PKNOX2: variants seen among roughly 807,000 people sequenced by gnomAD.
PKNOX2 encodes the protein homeobox protein PKNOX2.
PKNOX2 carries 14 observed loss-of-function variants against 53.1 expected under a neutral mutation model. The observed-to-expected ratio is 0.26, with a 90% CI of 0.17 to 0.41. The LOEUF (loss-of-function observed/expected upper bound fraction) is 0.41, where lower values mean the gene tolerates loss of function less well. PKNOX2 is among the 10% of genes least tolerant of loss of function. PKNOX2 has a pLI of 1.00. For missense variants in PKNOX2, 496 were observed against 602.8 expected, an observed-to-expected ratio of 0.82 and a Z score of 1.85; for synonymous variants, 257 against 242.8, an observed-to-expected ratio of 1.06 and a Z score of -0.54.
intron 2 of PKNOX2, among the ~76,000 whole-genome samples, chr11:125,300,364 T>A (rs896180293): frequency 5.9e-5 from 9 of 152,230 alleles, no homozygotes; most frequent in African/African-American, 2.2e-4. Context: ...CATGTATTAC[T>A]CTATTTAATC....
intron 4 of PKNOX2, among the ~76,000 whole-genome samples, chr11:125,359,104 C>T (rs1395933095): frequency 1.4e-5 from 2 of 145,950 alleles, no homozygotes; most frequent in South Asian, 2.1e-4. Context: ...TAGACACCAT[C>T]GGAAAGGCAG....
chr11:125,316,853 A>G (rs565554080), intron 2 of PKNOX2, among the ~76,000 whole-genome samples: 1 of 152,172 alleles, frequency 6.6e-6, no homozygotes, highest in Non-Finnish European at 1.5e-5. Context: ...ACAACAATGA[A>G]GTTTGCTGTA....
chr11:125,365,698 A>AT (rs1952153437), intron 4 of PKNOX2, among the ~76,000 whole-genome samples: 1 of 152,188 alleles, frequency 6.6e-6, no homozygotes, highest in Non-Finnish European at 1.5e-5. Context: ...CCAAACTGAC[A>AT]TTTATCCTTT....
intron 3 of PKNOX2, among the ~76,000 whole-genome samples, chr11:125,350,991 C>T (rs750496676): frequency 1.7e-4 from 26 of 152,272 alleles, no homozygotes; most frequent in Admixed American, 1.2e-3. Context: ...TTCGTGCCCC[C>T]TCCCCACACG....
At chr11:125,366,016 AGATTACT>A (rs753629696) in intron 4 of PKNOX2, among the ~76,000 whole-genome samples, 36 of 152,234 alleles carry the variant, frequency 2.4e-4, no homozygotes, top group Non-Finnish European at 4.0e-4. Flanking sequence ...ATAAGTGTGA[AGATTACT>A]GGGTTTTAGT....
chr11:125,194,974 G>A (rs187272913), intron 1 of PKNOX2, among the ~76,000 whole-genome samples: 155 of 152,224 alleles, frequency 1.0e-3, no homozygotes, highest in East Asian at 1.9e-3. Flanking sequence ...CTTAGGAGGC[G>A]GGCTCTATTG....
intron 10 of PKNOX2, among the ~76,000 whole-genome samples, chr11:125,415,178 A>G (rs777776152): frequency 2.0e-5 from 3 of 151,794 alleles, no homozygotes; most frequent in Non-Finnish European, 2.9e-5. Flanking sequence ...CTTGCACCCC[A>G]AAAGAGGTTC....
rs1956920018 is a variant in PKNOX2 at position 125,192,209 on chromosome 11, A to G, written c.-201+27433A>G. ...GCTTTTTCTCACCATAAACGTGGGGAAATTCATACATCTCACTGATGTGAG... is the reference window on the plus strand; with the variant it reads ...GCTTTTTCTCACCATAAACGTGGGGGAATTCATACATCTCACTGATGTGAG... On this transcript the variant is annotated intron_variant, in intron 1 of 12. Coordinates refer to ENST00000298282, the MANE Select transcript of PKNOX2 (RefSeq NM_001382323.2). Among the ~76,000 whole-genome samples, 3 of 152,126 alleles carry G rather than the reference A, an allele frequency of 2.0e-5. No homozygotes were observed. In the South Asian group the frequency reaches 6.2e-4, roughly 32 times the overall value.
rs577782984 is a variant in PKNOX2, at chr11:125,412,627, T to A, written c.936+762T>A. Among the ~76,000 whole-genome samples, 5 of 151,920 alleles carry A rather than the reference T, an allele frequency of 3.3e-5. No individual in the cohort carries two copies. The South Asian group carries it at 1.0e-3, about 32-fold the overall frequency. On this transcript the variant is annotated intron_variant, in intron 10 of 12. Transcript: ENST00000298282. Reference sequence around the variant, plus strand: ...AATAAAGGCCAGTGACTGTGCTGAGTGTGTATGCGCTGGTGTGTGTGTGTT... The same window carrying A: ...AATAAAGGCCAGTGACTGTGCTGAGAGTGTATGCGCTGGTGTGTGTGTGTT...
intron 4 of PKNOX2, among the ~76,000 whole-genome samples, chr11:125,353,030 T>C (rs1359140604): frequency 6.6e-6 from 1 of 152,144 alleles, no homozygotes; most frequent in Non-Finnish European, 1.5e-5. Context: ...AGGGGCAAGA[T>C]CATCCTTCTT....
At chr11:125,224,596 T>G (rs1941520520) in intron 1 of PKNOX2, among the ~76,000 whole-genome samples, 1 of 152,246 alleles carries the variant, frequency 6.6e-6, no homozygotes, top group African/African-American at 2.4e-5. Flanking sequence ...GTTCTCAGAT[T>G]GGTGTTATAC....
intron 10 of PKNOX2, among the ~76,000 whole-genome samples, chr11:125,418,026 C>T (rs925183317): frequency 1.3e-5 from 2 of 152,012 alleles, no homozygotes; most frequent in African/African-American, 4.8e-5. Context: ...TAAAATTTAC[C>T]GTTTTAAACT....
chr11:125,177,947 A>G (rs1955824115), intron 1 of PKNOX2, among the ~76,000 whole-genome samples: 1 of 152,214 alleles, frequency 6.6e-6, no homozygotes, highest in Non-Finnish European at 1.5e-5. Context: ...AGGGAGTAGG[A>G]AGGAAGGGAG....
chr11:125,368,550 C>T (rs1430175327), intron 5 of PKNOX2, among the ~76,000 whole-genome samples: 1 of 152,156 alleles, frequency 6.6e-6, no homozygotes, highest in African/African-American at 2.4e-5. Context: ...GTTATTGGAC[C>T]ACACTTGGAT....
intron 2 of PKNOX2, among the ~76,000 whole-genome samples, chr11:125,325,162 C>T (rs969601522): frequency 6.6e-6 from 1 of 152,196 alleles, no homozygotes; most frequent in Non-Finnish European, 1.5e-5. Context: ...CCCCCAGGCC[C>T]CTTTCTCCAG....
chr11:125,282,636 C>A (rs79444487), intron 2 of PKNOX2, among the ~76,000 whole-genome samples: 2,152 of 152,304 alleles, frequency 0.014, 62 homozygotes, highest in African/African-American at 0.049. Context: ...AAATATTTGA[C>A]CAAGGTCCAT....
rs566360712 is a variant in PKNOX2 at position 125,306,815 on chromosome 11, G to A, written c.-129-25004G>A. 4.6e-5 allele frequency among the ~76,000 whole-genome samples: 7 copies of A among 152,284 alleles called. No homozygotes were observed. The East Asian group carries it at 1.4e-3, about 30-fold the overall frequency. On this transcript the variant is annotated intron_variant, in intron 2 of 12. Coordinates refer to ENST00000298282, the MANE Select transcript of PKNOX2 (RefSeq NM_001382323.2). ...ACCATGGGCTCTCTGGGGACTGAGA[G>A]ACCAGGCCCCACTACCCCCTCCCCC...
At chr11:125,276,519 A>G (rs748956097) in intron 2 of PKNOX2, among the ~76,000 whole-genome samples, 6 of 152,184 alleles carry the variant, frequency 3.9e-5, no homozygotes, top group African/African-American at 1.2e-4. Context: ...CTCTTTTTCT[A>G]TGGTAATTGC....
intron 10 of PKNOX2, among the ~76,000 whole-genome samples, chr11:125,417,864 A>G (rs140834561): frequency 1.2e-3 from 179 of 151,976 alleles, no homozygotes; most frequent in Non-Finnish European, 1.9e-3. Context: ...TCTGCCATCC[A>G]CCACCCCATC....
Sources: gnomAD v4.1 joint callset for allele counts (sites outside exome capture counted in the v4.1 genomes callset) on GRCh38, gnomAD v4.1.1 for gene constraint, MANE v1.5 for transcripts, NCBI Gene and HGNC (gene_info 2026-07-23, HGNC 2026-07-21) for gene names.